Variants in MYO1H observed in about 807,000 individuals in gnomAD.
The protein encoded by MYO1H is myosin IH.
In MYO1H, 118 loss-of-function variants were observed where a neutral mutation model predicts 149.3. The observed-to-expected ratio is 0.79, with a 90% CI of 0.68 to 0.92. The LOEUF (loss-of-function observed/expected upper bound fraction) is 0.92, where lower values mean the gene tolerates loss of function less well. Among genes scored for constraint, MYO1H ranks in the 40% least tolerant of loss-of-function variants. The pLI is 0.00. For missense variants in MYO1H, 1,212 were observed against 1,280.7 expected, an observed-to-expected ratio of 0.95 and a Z score of 0.82; for synonymous variants, 447 against 465.2, an observed-to-expected ratio of 0.96 and a Z score of 0.50.
intron 23 of MYO1H, among the ~76,000 whole-genome samples, chr12:109,439,026 T>A (rs1871991333): frequency 6.6e-6 from 1 of 152,048 alleles, no homozygotes; most frequent in African/African-American, 2.4e-5. Context: ...CCAGATGGCT[T>A]GAATTTTCAA....
chr12:109,402,662 T>A (rs1030123088), intron 6 of MYO1H, among the ~76,000 whole-genome samples: 2 of 152,136 alleles, frequency 1.3e-5, no homozygotes, highest in Non-Finnish European at 2.9e-5. Flanking sequence ...AGAAAGAATC[T>A]CATAATCTAA....
At chr12:109,434,809 C>A (rs970782576) in intron 20 of MYO1H, among the ~76,000 whole-genome samples, 2 of 152,192 alleles carry the variant, frequency 1.3e-5, no homozygotes, top group Non-Finnish European at 2.9e-5. Flanking sequence ...GGGCTCCTCC[C>A]TGTGTCTTTC....
Position 109,443,174 on chromosome 12 carries a change from A to ATATGTGTGTATATATGTGTACGTG in MYO1H, c.2689-339_2689-338insATGTGTGTATATATGTGTACGTGT. The stretch of plus-strand genomic sequence containing the variant: ...CGTATGTGTGTGTATATGTGTACGT[A>ATATGTGTGTATATATGTGTACGTG]TGTGTGTATATGTGTACGTATATGT... On this transcript the variant is annotated intron_variant, in intron 27 of 31. Transcript: ENST00000310903. Among the ~76,000 whole-genome samples, 2 of 115,640 alleles carry ATATGTGTGTATATATGTGTACGTG rather than the reference A, an allele frequency of 1.7e-5. 1 individual carries two copies. The highest frequency in any genetic ancestry group is 1.7e-4 in the Admixed American group (2 of 12,114). The allele number at this position is 115,640 out of a possible 152,430, so 75.9% of individuals were successfully genotyped here.
intron 1 of MYO1H, among the ~76,000 whole-genome samples, chr12:109,384,544 A>T (rs1243130935): frequency 6.6e-6 from 1 of 151,936 alleles, no homozygotes; most frequent in Non-Finnish European, 1.5e-5. Context: ...TGTCACTCTT[A>T]TTGGGACACT....
chr12:109,414,241 C>G (rs1870801342), intron 14 of MYO1H, among the ~76,000 whole-genome samples: 1 of 151,850 alleles, frequency 6.6e-6, no homozygotes, highest in African/African-American at 2.4e-5. Context: ...TTTGCGAGAC[C>G]AAGACGAGTG....
intron 1 of MYO1H, among the ~76,000 whole-genome samples, chr12:109,351,244 G>T (rs569427405): frequency 6.6e-6 from 1 of 152,214 alleles, no homozygotes; most frequent in African/African-American, 2.4e-5. Flanking sequence ...ATCAAAGCTT[G>T]AATTTAAACC....
In MYO1H at chr12:109,347,991, T is replaced by C. The variant is rs923959036; in HGVS notation, c.12+19T>C. 5 of 398,972 alleles carry C rather than the reference T, an allele frequency of 1.3e-5. No homozygotes were observed. The highest frequency in any genetic ancestry group is 4.4e-5 in the Admixed American group (1 of 22,718). The allele number at this position is 398,972 out of a possible 1,614,324, so 24.7% of individuals were successfully genotyped here. A position where few individuals can be genotyped will look rare whatever the true frequency, so the allele number is the denominator to read the frequency against. ...ATCCAAGGTAATGTGACTTGAACAC[T>C]AGAAGGTGGTTACACCTGGTGACCT... is the stretch of plus-strand genomic sequence containing the variant. On this transcript the variant is annotated intron_variant, in intron 1 of 31. Coordinates refer to ENST00000310903, the Ensembl canonical transcript of MYO1H.
At position 109,430,655 on chromosome 12, in the gene MYO1H, A is replaced by G. The variant is rs925008579; in HGVS notation, c.1950-2242A>G. Among the ~76,000 whole-genome samples, 3 of 152,194 alleles carry G rather than the reference A, an allele frequency of 2.0e-5. No individual in the cohort carries two copies. The East Asian group carries it at 5.8e-4, about 29-fold the overall frequency. ...AAAATAAAAATATTTTTCACTGGAC[A>G]TGGTAGCTCATGCCTGTAATCCCAG... On this transcript the variant is annotated intron_variant, in intron 19 of 31. Coordinates refer to ENST00000310903, the Ensembl canonical transcript of MYO1H.
the MYO1H span, among the ~76,000 whole-genome samples, chr12:109,327,228 G>T: frequency 3.3e-3 from 495 of 148,798 alleles, 3 homozygotes; most frequent in African/African-American, 0.012. Flanking sequence ...TGCCTCCTGG[G>T]TTCAAGCAAT....
intron 10 of MYO1H, among the ~76,000 whole-genome samples, chr12:109,408,987 C>T (rs7963459): frequency 0.038 from 5,780 of 151,718 alleles, 133 homozygotes; most frequent in Middle Eastern, 0.065. Context: ...AATGGGGTTT[C>T]GCCATGTTGG....
intron 1 of MYO1H, among the ~76,000 whole-genome samples, chr12:109,353,439 C>G (rs1273646931): frequency 6.8e-6 from 1 of 146,048 alleles, no homozygotes; most frequent in African/African-American, 2.6e-5. Flanking sequence ...TAGAACTTAC[C>G]GGGAAATAAA....
intron 22 of MYO1H, among the ~76,000 whole-genome samples, chr12:109,437,707 G>A (rs919703987): frequency 6.6e-6 from 1 of 152,204 alleles, no homozygotes; most frequent in Non-Finnish European, 1.5e-5. Context: ...CGTTTGGGTT[G>A]ATTCAAGTTG....
chr12:109,420,867 T>C (rs977886797), intron 15 of MYO1H, 114 bp from the exon 16 acceptor site: 1 of 702,158 alleles, frequency 1.4e-6, no homozygotes, highest in Admixed American at 2.4e-5. Context: ...TGAGAAACTA[T>C]GAGCTAATCC....
chr12:109,411,623 TG>T (rs1318783707), intron 13 of MYO1H, among the ~76,000 whole-genome samples: 1 of 152,224 alleles, frequency 6.6e-6, no homozygotes, highest in Non-Finnish European at 1.5e-5. Flanking sequence ...AGTAGCTGTG[TG>T]GAGTATCCTT....
chr12:109,410,936 G>A (rs1248492328), intron 13 of MYO1H, among the ~76,000 whole-genome samples, 168 bp downstream of exon 13: 1 of 152,144 alleles, frequency 6.6e-6, no homozygotes, highest in Non-Finnish European at 1.5e-5. Flanking sequence ...GAGGTCAGGA[G>A]TTAGAAAGCA....
At chr12:109,318,454 A>T in the MYO1H span, among the ~76,000 whole-genome samples, 1 of 152,192 alleles carries the variant, frequency 6.6e-6, no homozygotes. Context: ...GTAGCTTTGC[A>T]GTGGAGCAGG....
At chr12:109,311,914 C>T in the MYO1H span, among the ~76,000 whole-genome samples, 1 of 152,198 alleles carries the variant, frequency 6.6e-6, no homozygotes, top group East Asian at 1.9e-4. Flanking sequence ...CAGTTCTATG[C>T]AGTGGAAAAT....
intron 21 of MYO1H, among the ~76,000 whole-genome samples, chr12:109,436,107 G>A (rs750532510): frequency 1.3e-5 from 2 of 152,132 alleles, no homozygotes; most frequent in Non-Finnish European, 2.9e-5. Context: ...GTGTTGCCCG[G>A]CAAGCGTCTT....
At chr12:109,326,585 A>G in the MYO1H span, among the ~76,000 whole-genome samples, 2 of 151,330 alleles carry the variant, frequency 1.3e-5, no homozygotes, top group African/African-American at 4.9e-5. Flanking sequence ...GTAGTGGCAC[A>G]ATCTTGGCTC....
Sources: gnomAD v4.1 joint callset for allele counts (sites outside exome capture counted in the v4.1 genomes callset) on GRCh38, gnomAD v4.1.1 for gene constraint, MANE v1.5 for transcripts, NCBI Gene and HGNC (gene_info 2026-07-23, HGNC 2026-07-21) for gene names.